The following ASTN1 variants were observed in gnomAD, a reference collection of about 807,000 sequenced individuals.
The protein encoded by ASTN1 is astrotactin 1.
Under a neutral mutation model 140.7 loss-of-function variants are expected in ASTN1, and 41 were observed. The ratio of observed to expected loss-of-function variants is 0.29; its 90% CI spans 0.23 to 0.38. The LOEUF (loss-of-function observed/expected upper bound fraction) is 0.38, where lower values mean the gene tolerates loss of function less well. ASTN1 is among the 10% of genes least tolerant of loss of function. The pLI, the probability that ASTN1 is intolerant of heterozygous loss-of-function variation, is 1.00. For synonymous variants in ASTN1, 640 were observed against 652.2 expected (o/e 0.98, Z 0.29); for missense variants, 1,479 against 1,678.8 (o/e 0.88, Z 2.08).
chr1:176,953,728 G>C (rs755133809), intron 11 of ASTN1, among the ~76,000 whole-genome samples: 1 of 152,118 alleles, frequency 6.6e-6, no homozygotes, highest in Non-Finnish European at 1.5e-5. Context: ...AGGGCGGCAG[G>C]GTCACTGGGT....
chr1:176,876,439 T>G, intron 21 of ASTN1, 98 bp downstream of exon 21: 1 of 1,249,586 alleles, frequency 8.0e-7, no homozygotes, highest in South Asian at 1.3e-5. Flanking sequence ...GAACTCCAGG[T>G]TGTTCTATTC....
intron 20 of ASTN1, among the ~76,000 whole-genome samples, chr1:176,882,531 T>G (rs2103026105): frequency 8.4e-6 from 1 of 118,514 alleles, no homozygotes; most frequent in South Asian, 3.3e-4. Context: ...TAATCACTTC[T>G]TTCTTCTCTT....
chr1:176,918,896 C>T (rs957431113), intron 16 of ASTN1, among the ~76,000 whole-genome samples: 4 of 152,156 alleles, frequency 2.6e-5, no homozygotes, highest in African/African-American at 9.7e-5. Flanking sequence ...TGTCCTGCCC[C>T]AACCCCACCA....
chr1:177,077,817 G>GC (rs1427499729), intron 1 of ASTN1, among the ~76,000 whole-genome samples: 10 of 152,072 alleles, frequency 6.6e-5, no homozygotes, highest in Admixed American at 1.3e-4. Context: ...CATTTCACAT[G>GC]CCCCCCTAGA....
chr1:177,093,450 C>G (rs1679872488), intron 1 of ASTN1, among the ~76,000 whole-genome samples: 5 of 152,166 alleles, frequency 3.3e-5, no homozygotes, highest in Admixed American at 3.3e-4. Context: ...ACCCATTCCT[C>G]TAAAACCATT....
chr1:177,004,095 G>C (rs185483648), intron 8 of ASTN1, among the ~76,000 whole-genome samples: 2 of 152,220 alleles, frequency 1.3e-5, no homozygotes, highest in South Asian at 2.1e-4. Flanking sequence ...TTTCCTCCAA[G>C]AGTCCTAGAT....
At chr1:177,105,856 G>A (rs2102141712) in intron 1 of ASTN1, among the ~76,000 whole-genome samples, 1 of 152,270 alleles carries the variant, frequency 6.6e-6, no homozygotes, top group Middle Eastern at 3.4e-3. Context: ...CTAGCTGGGT[G>A]CGGTGGCATG....
intron 1 of ASTN1, among the ~76,000 whole-genome samples, chr1:177,112,591 A>G (rs1176942167): frequency 1.3e-5 from 2 of 152,208 alleles, no homozygotes; most frequent in Non-Finnish European, 2.9e-5. Context: ...ATATTTCCAC[A>G]AGGAGTAGAT....
Position 176,946,012 on chromosome 1 carries a change from G to T in ASTN1, c.2163C>A (p.Asn721Lys). The change falls in exon 13 of 23, where the codon AAC (asparagine) becomes AAA (lysine). Residue 721 changes from asparagine (N) to lysine (K), a missense_variant. By Grantham distance (94) the Asn-to-Lys change is moderately conservative. Around this residue, in one of 3 missense-constraint regions of ASTN1, gnomAD observed 746 missense variants for 800.9 expected, o/e 0.93. Transcript: ENST00000361833. ...DCGESRELPM[N>K]QTLFGEMFFG... ...AGAACATCTCCCCAAAGAGGGTCTG[G>T]TTCATGGGAAGCTCCCTGCTTTCCC... 1 of 1,614,140 alleles carries T rather than the reference G, an allele frequency of 6.2e-7. No individual in the cohort carries two copies. The highest frequency in any genetic ancestry group is 8.5e-7 in the Non-Finnish European group (1 of 1,180,002).
intron 22 of ASTN1, among the ~76,000 whole-genome samples, chr1:176,867,829 A>C (rs571031311): frequency 7.9e-5 from 12 of 152,330 alleles, no homozygotes. Flanking sequence ...GGATGGGATG[A>C]CTTTTGTATG....
intron 20 of ASTN1, among the ~76,000 whole-genome samples, chr1:176,881,924 G>A (rs1268151555): frequency 3.9e-5 from 6 of 152,122 alleles, no homozygotes; most frequent in African/African-American, 9.7e-5. Flanking sequence ...CTCTATTCTC[G>A]TGATCTCCTC....
intron 1 of ASTN1, among the ~76,000 whole-genome samples, chr1:177,161,583 C>G (rs1647373481): frequency 6.6e-6 from 1 of 152,190 alleles, no homozygotes; most frequent in African/African-American, 2.4e-5. Context: ...AGAGTAGCTA[C>G]ATGTGCAAAG....
At chr1:177,042,420 A>G (rs886418990) in intron 2 of ASTN1, among the ~76,000 whole-genome samples, 9 of 152,198 alleles carry the variant, frequency 5.9e-5, no homozygotes, top group Admixed American at 1.3e-4. Context: ...CAAAGTCCAC[A>G]AACCACTATG....
intron 1 of ASTN1, among the ~76,000 whole-genome samples, chr1:177,071,184 G>C (rs757685551): frequency 1.3e-5 from 2 of 152,070 alleles, no homozygotes. Flanking sequence ...AAAACTCCAC[G>C]TACACTATTT....
chr1:176,997,569 G>A (rs1007696330), intron 8 of ASTN1, among the ~76,000 whole-genome samples: 12 of 151,960 alleles, frequency 7.9e-5, no homozygotes. Context: ...CAGAGGAGGT[G>A]ATGTGATGTG....
intron 16 of ASTN1, among the ~76,000 whole-genome samples, chr1:176,928,186 C>T (rs895779577): frequency 1.3e-5 from 2 of 151,942 alleles, no homozygotes; most frequent in Middle Eastern, 3.2e-3. Context: ...CTAAAGCTTG[C>T]TTTGTTCACT....
At chr1:177,054,154 C>A (rs545586671) in intron 2 of ASTN1, among the ~76,000 whole-genome samples, 22 of 152,258 alleles carry the variant, frequency 1.4e-4, no homozygotes, top group Non-Finnish European at 2.9e-4. Flanking sequence ...CATAGTCCTG[C>A]AAACTAATAG....
chr1:177,115,464 G>A (rs913507451), intron 1 of ASTN1, among the ~76,000 whole-genome samples: 1 of 151,896 alleles, frequency 6.6e-6, no homozygotes, highest in African/African-American at 2.4e-5. Flanking sequence ...CTGAGGTCAG[G>A]AGTTCAACAT....
intron 8 of ASTN1, among the ~76,000 whole-genome samples, chr1:176,985,501 G>A (rs1673849152): frequency 6.6e-6 from 1 of 152,122 alleles, no homozygotes; most frequent in African/African-American, 2.4e-5. Flanking sequence ...ATCAAACAAA[G>A]ACTCCAGGCT....
Sources: allele counts gnomAD v4.1 joint callset (sites outside exome capture counted in the v4.1 genomes callset), GRCh38; gene constraint gnomAD v4.1.1; regional missense constraint gnomAD v4.1.1; transcripts MANE v1.5; gene names NCBI Gene and HGNC (gene_info 2026-07-23, HGNC 2026-07-21).